Variants in PON3 observed in about 807,000 individuals in gnomAD.
PON3 encodes serum paraoxonase/lactonase 3.
A neutral mutation model predicts 36.3 loss-of-function variants in PON3; 37 were observed. That is an observed-to-expected ratio of 1.02 (90% CI 0.78 to 1.34). The LOEUF is 1.34. Ranked by LOEUF, PON3 falls within the 40% of genes most tolerant of loss-of-function variation. The pLI is 0.00. For missense variants in PON3, 415 were observed against 426.5 expected (o/e 0.97, Z 0.24); for synonymous variants, 155 against 154.8 (o/e 1.00, Z -0.01).
At chr7:95,389,284 G>A (rs192440304) in intron 3 of PON3, among the ~76,000 whole-genome samples, 251 of 152,232 alleles carry the variant, frequency 1.6e-3, no homozygotes, top group African/African-American at 5.6e-3. Context: ...ATTCTACTGT[G>A]TGTACTTATG....
intron 3 of PON3, among the ~76,000 whole-genome samples, chr7:95,380,310 C>T (rs548203026): frequency 4.6e-5 from 7 of 152,306 alleles, no homozygotes; most frequent in Admixed American, 2.0e-4. Context: ...CTCCTCCAAA[C>T]GAATGCAGCT....
At chr7:95,381,904 T>C (rs1159999353) in intron 3 of PON3, among the ~76,000 whole-genome samples, 1 of 152,208 alleles carries the variant, frequency 6.6e-6, no homozygotes, top group African/African-American at 2.4e-5. Flanking sequence ...TATACATTCT[T>C]CTCAGCACCA....
At chr7:95,395,665 T>C (rs1234096894) in intron 1 of PON3, among the ~76,000 whole-genome samples, 3 of 152,184 alleles carry the variant, frequency 2.0e-5, no homozygotes, top group Admixed American at 6.5e-5. Context: ...GGTTCTTCTT[T>C]CTAGCCCAGT....
intron 4 of PON3, among the ~76,000 whole-genome samples, chr7:95,369,545 C>T (rs1354810457): frequency 6.6e-6 from 1 of 152,138 alleles, no homozygotes; most frequent in Admixed American, 6.5e-5. Flanking sequence ...GAGGCCAAGG[C>T]AGGTGGATCA....
intron 4 of PON3, among the ~76,000 whole-genome samples, chr7:95,368,042 T>C (rs896915440): frequency 1.3e-5 from 2 of 152,156 alleles, no homozygotes; most frequent in Non-Finnish European, 2.9e-5. Flanking sequence ...CATGTAAATA[T>C]GAATGCGAGA....
chr7:95,360,170 T>TA lies in PON3; in HGVS notation c.907-40dup, dbSNP rs1808535475. The TA allele has an allele frequency of 3.9e-6, 6 of 1,548,752 alleles. No homozygotes were observed. The South Asian group carries it at 5.6e-5, about 14-fold the overall frequency. On this transcript the variant is annotated intron_variant, in intron 8 of 8. Coordinates refer to ENST00000265627, the MANE Select transcript of PON3 (RefSeq NM_000940.3). ...ATCGTTTATTAGTATATTATGTGAG[T>TA]AAACACCTGTTTCATGATGTCCTTC...
In PON3 at chr7:95,390,172, C is replaced by A. The variant is rs778287055; in HGVS notation, c.183G>T (p.Gly61=). The change falls in exon 3 of 9, where the codon GGG becomes GGT. Residue 61 remains glycine (G), a synonymous_variant. Transcript: ENST00000265627. The part of the protein sequence containing the change: ...GSEDIDILPS[G]LAFISSGLKY... ...TACTCACACTGGAGATAAAAGCCAG[C>A]CCACTAGGAAGTATATCAATATCTT... 1 of 1,611,504 alleles carries A rather than the reference C, an allele frequency of 6.2e-7. No homozygotes were observed. The highest frequency in any genetic ancestry group is 1.7e-5 in the Admixed American group (1 of 60,006).
Position 95,377,942 on chromosome 7 carries a change from A to C in PON3, c.202-5604T>G, listed in dbSNP as rs557441970. On this transcript the variant is annotated intron_variant, in intron 3 of 8. Coordinates refer to ENST00000265627, the MANE Select transcript of PON3 (RefSeq NM_000940.3). ...TGACAGAAGTAGGCTTCAGAGGGTCAGTAATAACAAACTTCTCCGAGCTAA... is the reference window on the plus strand; with the variant it reads ...TGACAGAAGTAGGCTTCAGAGGGTCCGTAATAACAAACTTCTCCGAGCTAA... Among the ~76,000 whole-genome samples, 8 of 152,350 alleles carry C rather than the reference A, an allele frequency of 5.3e-5. No individual in the cohort carries two copies. The East Asian group carries it at 1.2e-3, about 22-fold the overall frequency.
Position 95,363,770 on chromosome 7 carries a change from G to C in PON3, c.695+93C>G, listed in dbSNP as rs572761228. ...ATCCCTCCACACATATATTCACTACGTAAGCCTAAGTAAGGAAGTAACTTC... is the reference window on the plus strand; with the variant it reads ...ATCCCTCCACACATATATTCACTACCTAAGCCTAAGTAAGGAAGTAACTTC... On this transcript the variant is annotated intron_variant, in intron 6 of 8. Coordinates refer to ENST00000265627, the MANE Select transcript of PON3 (RefSeq NM_000940.3). 5.0e-5 allele frequency: 62 copies of C among 1,234,180 alleles called. No individual in the cohort carries two copies. The African/African-American group carries it at 8.9e-4, about 18-fold the overall frequency. 76.5% of individuals were successfully genotyped at this position (1,234,180 alleles called of 1,614,324 possible).
At chr7:95,374,556 C>A (rs894870749) in intron 3 of PON3, among the ~76,000 whole-genome samples, 1 of 152,046 alleles carries the variant, frequency 6.6e-6, no homozygotes, top group Admixed American at 6.6e-5. Context: ...ATGCATTTAT[C>A]TCTCTTCCCC....
chr7:95,370,622 G>A (rs1232335596), intron 4 of PON3, among the ~76,000 whole-genome samples: 1 of 152,088 alleles, frequency 6.6e-6, no homozygotes, highest in Non-Finnish European at 1.5e-5. Context: ...CCTTTCATGT[G>A]GTTACTGTTA....
chr7:95,378,197 A>G (rs1180107987), intron 3 of PON3, among the ~76,000 whole-genome samples: 1 of 152,062 alleles, frequency 6.6e-6, no homozygotes, highest in African/African-American at 2.4e-5. Flanking sequence ...GTGAGATGAC[A>G]AGATGAGAGA....
intron 5 of PON3, among the ~76,000 whole-genome samples, chr7:95,366,964 C>T (rs1435645127): frequency 6.6e-6 from 1 of 152,202 alleles, no homozygotes; most frequent in Admixed American, 6.5e-5. Context: ...AGAAGTGGCT[C>T]ATCTGGAGGT....
intron 8 of PON3, among the ~76,000 whole-genome samples, chr7:95,360,664 T>A (rs972440204): frequency 1.3e-5 from 2 of 152,184 alleles, no homozygotes; most frequent in East Asian, 3.8e-4. Context: ...CTGTTATTGA[T>A]CCCAGGATTA....
At chr7:95,386,159 T>A (rs1471430146) in intron 3 of PON3, among the ~76,000 whole-genome samples, 1 of 151,916 alleles carries the variant, frequency 6.6e-6, no homozygotes, top group African/African-American at 2.4e-5. Flanking sequence ...GATAGATACA[T>A]GAAAAACCCT....
chr7:95,362,730 G>A (rs768430143), intron 7 of PON3, 30 bp downstream of exon 7: 4 of 1,550,512 alleles, frequency 2.6e-6, no homozygotes, highest in Non-Finnish European at 2.7e-6. Flanking sequence ...TAAGAAGTCA[G>A]ATTGTGTGGG....
At chr7:95,392,562 AAATCAAATT>A (rs2116425860) in intron 2 of PON3, among the ~76,000 whole-genome samples, 1 of 152,352 alleles carries the variant, frequency 6.6e-6, no homozygotes, top group East Asian at 1.9e-4. Flanking sequence ...CTTATTTTTA[AAATCAAATT>A]AAATCACTCT....
intron 1 of PON3, chr7:95,395,818 G>A (rs1809416695): frequency 5.1e-6 from 1 of 197,902 alleles, no homozygotes; most frequent in Non-Finnish European, 1.0e-5. Context: ...TTTAAATCTA[G>A]GATAGGTTCC....
At chr7:95,389,709 G>A (rs11972988) in intron 3 of PON3, among the ~76,000 whole-genome samples, 8,412 of 152,158 alleles carry the variant, frequency 0.055, 717 homozygotes, top group African/African-American at 0.18. Context: ...GTTTTAAATC[G>A]AGTAACGTGG....
Sources: gnomAD v4.1 joint callset for allele counts (sites outside exome capture counted in the v4.1 genomes callset) on GRCh38, gnomAD v4.1.1 for gene constraint, MANE v1.5 for transcripts, NCBI Gene and HGNC (gene_info 2026-07-23, HGNC 2026-07-21) for gene names.